SYNCRIP: variants seen among roughly 807,000 people sequenced by gnomAD.
The protein encoded by SYNCRIP is synaptotagmin binding cytoplasmic RNA interacting protein.
Under a neutral mutation model 68.9 loss-of-function variants are expected in SYNCRIP, and 9 were observed. The observed-to-expected ratio is 0.13, with a 90% confidence interval of 0.08 to 0.23. SYNCRIP has a LOEUF of 0.23. SYNCRIP is among the 10% of genes least tolerant of loss of function. SYNCRIP has a pLI of 1.00. For synonymous variants in SYNCRIP, 258 were observed against 254.0 expected, an observed-to-expected ratio of 1.02 and a Z score of -0.15; for missense variants, 414 against 770.6, an observed-to-expected ratio of 0.54 and a Z score of 5.48.
chr6:85,618,703 G>T, intron 10 of SYNCRIP, 115 bp downstream of exon 10: 6 of 848,350 alleles, frequency 7.1e-6, no homozygotes, highest in Non-Finnish European at 1.1e-5. Context: ...AAACGTTCAA[G>T]TCTTCTTTAA....
In SYNCRIP at chr6:85,621,800, G is replaced by A. The variant is rs374123741; in HGVS notation, c.1008+682C>T. On this transcript the variant is annotated intron_variant, in intron 8 of 10. Transcript: ENST00000369622. ...TCTGCTGCGGCCAGTATAATTTACT[G>A]TTTTTAGTAGTAAGACTTTTAACCC... Among the ~76,000 whole-genome samples, 36 of 152,188 alleles carry A rather than the reference G, an allele frequency of 2.4e-4. No homozygotes were observed. The South Asian group carries it at 7.5e-3, about 32-fold the overall frequency.
chr6:85,640,362 A>G, intron 3 of SYNCRIP, 34 bp from the exon 4 acceptor site: 1 of 1,598,928 alleles, frequency 6.3e-7, no homozygotes, highest in Non-Finnish European at 8.6e-7. Context: ...ATTTAACAAT[A>G]ACCATATCTG....
intron 4 of SYNCRIP, 150 bp downstream of exon 4, chr6:85,640,071 G>C (rs1808949966): frequency 1.6e-6 from 1 of 614,998 alleles, no homozygotes. Flanking sequence ...GAAACAAATA[G>C]TTTAAAAAAA....
intron 4 of SYNCRIP, 49 bp from the exon 5 acceptor site, chr6:85,637,405 C>G: frequency 8.4e-7 from 1 of 1,195,848 alleles, no homozygotes; most frequent in Non-Finnish European, 1.2e-6. Flanking sequence ...TAGACCACAC[C>G]CATATATTTA....
At chr6:85,624,976 C>T (rs1274444769) in intron 6 of SYNCRIP, among the ~76,000 whole-genome samples, 1 of 152,220 alleles carries the variant, frequency 6.6e-6, no homozygotes, top group East Asian at 1.9e-4. Flanking sequence ...TGGAGCTACA[C>T]AAACTAAAGA....
rs749818545 is a variant in SYNCRIP, at chr6:85,624,083, T to C, written c.696A>G (p.Lys232=). The C allele has an allele frequency of 1.2e-6, 2 of 1,613,654 alleles. No individual in the cohort carries two copies. Among genetic ancestry groups the C allele is most frequent in the East Asian group, 2.2e-5 (1 of 44,834 alleles). The change falls in exon 7 of 11, where the codon AAA becomes AAG. Residue 232 remains lysine (K), a synonymous_variant. Coordinates refer to ENST00000369622, the MANE Select transcript of SYNCRIP (RefSeq NM_006372.5). The stretch of plus-strand genomic sequence containing the variant: ...CAACTGAGATGCAGACACCAATATG[T>C]TTTCCAGAACGAATTTCATGATTAT... ...LYNNHEIRSG[K]HIGVCISVAN...
intron 6 of SYNCRIP, among the ~76,000 whole-genome samples, chr6:85,630,162 C>A (rs893404429): frequency 1.3e-5 from 2 of 151,888 alleles, no homozygotes; most frequent in African/African-American, 4.8e-5. Flanking sequence ...GAGATAGAGA[C>A]CATCCTGGCT....
intron 6 of SYNCRIP, among the ~76,000 whole-genome samples, chr6:85,626,310 G>A (rs982006114): frequency 4.6e-5 from 7 of 152,092 alleles, no homozygotes; most frequent in African/African-American, 1.7e-4. Flanking sequence ...GCCAGCCTTA[G>A]CAACAAATCA....
rs773660466 is a variant in SYNCRIP, at chr6:85,622,551, G to C, written c.939C>G (p.Val313=). Residue 313 remains valine, a synonymous_variant, in exon 8 of 11, where the codon GTC becomes GTG. Transcript: ENST00000369622. Reference sequence around the variant, plus strand: ...ATTCAACAGTTCCAACATTCCCCCAGACCTTGACTTTACCACTCATTAACC... The same window carrying C: ...ATTCAACAGTTCCAACATTCCCCCACACCTTGACTTTACCACTCATTAACC... ...RRRLMSGKVK[V]WGNVGTVEWA... is the part of the protein sequence containing the mutation. 3 of 1,613,942 alleles carry C rather than the reference G, an allele frequency of 1.9e-6. No homozygotes were observed. Among genetic ancestry groups the C allele is most frequent in the African/African-American group, 2.7e-5 (2 of 74,870 alleles).
intron 10 of SYNCRIP, among the ~76,000 whole-genome samples, chr6:85,615,747 C>T (rs1394171477): frequency 6.6e-6 from 1 of 152,150 alleles, no homozygotes; most frequent in East Asian, 1.9e-4. Context: ...GTGGCGGAGG[C>T]TGCAGTAAGC....
chr6:85,629,815 C>T (rs1414275629), intron 6 of SYNCRIP, among the ~76,000 whole-genome samples: 2 of 151,694 alleles, frequency 1.3e-5, no homozygotes, highest in Non-Finnish European at 2.9e-5. Flanking sequence ...AGGCGAGATT[C>T]ATATCAAAAC....
At chr6:85,618,388 A>C (rs978574535) in intron 10 of SYNCRIP, among the ~76,000 whole-genome samples, 15 of 151,850 alleles carry the variant, frequency 9.9e-5, no homozygotes, top group Admixed American at 3.9e-4. Flanking sequence ...TAAAAAAAAA[A>C]ACACAAAAAT....
upstream of SYNCRIP, among the ~76,000 whole-genome samples, chr6:85,643,564 A>G (rs1431365419): frequency 9.3e-6 from 1 of 107,692 alleles, no homozygotes; most frequent in Non-Finnish European, 1.9e-5. Flanking sequence ...AGCGTGTCCC[A>G]CTCGTTTTCC....
At chr6:85,631,982 C>A (rs1180114336) in intron 6 of SYNCRIP, among the ~76,000 whole-genome samples, 2 of 152,180 alleles carry the variant, frequency 1.3e-5, no homozygotes, top group African/African-American at 4.8e-5. Flanking sequence ...GCTTCCCTAG[C>A]TAGATTATCA....
chr6:85,631,951 C>T (rs1465324882), intron 6 of SYNCRIP, among the ~76,000 whole-genome samples: 1 of 152,164 alleles, frequency 6.6e-6, no homozygotes, highest in African/African-American at 2.4e-5. Context: ...TATTAATCAC[C>T]TTTTCACAAG....
At position 85,623,562 on chromosome 6, in the gene SYNCRIP, C is replaced by CCAAAAAAAAAAAAAAAA. The variant is rs572909849; in HGVS notation, c.802+414_802+415insTTTTTTTTTTTTTTTTG. On this transcript the variant is annotated intron_variant, in intron 7 of 10. Coordinates refer to ENST00000369622, the MANE Select transcript of SYNCRIP (RefSeq NM_006372.5). ...CTGGGCAACAAAGCAAGACTGTCTC[C>CCAAAAAAAAAAAAAAAA]AAAAAAAAAAAAAAAAAAAAACACT... Among the ~76,000 whole-genome samples the CCAAAAAAAAAAAAAAAA allele has an allele frequency of 9.3e-4, 59 of 63,256 alleles. 11 individuals are homozygous for CCAAAAAAAAAAAAAAAA. Among genetic ancestry groups the CCAAAAAAAAAAAAAAAA allele is most frequent in the Admixed American group, 3.8e-3 (19 of 5,052 alleles). The allele number at this position is 63,256 out of a possible 152,430, so 41.5% of individuals were successfully genotyped here.
intron 6 of SYNCRIP, among the ~76,000 whole-genome samples, chr6:85,625,240 G>T (rs886320212): frequency 6.6e-6 from 1 of 151,860 alleles, no homozygotes; most frequent in African/African-American, 2.4e-5. Flanking sequence ...CAAGTGTGTG[G>T]CCCTCCTGAT....
intron 10 of SYNCRIP, 49 bp downstream of exon 10, chr6:85,618,769 T>C: frequency 1.4e-6 from 2 of 1,463,684 alleles, no homozygotes; most frequent in Non-Finnish European, 1.9e-6. Context: ...CCAATTAGTG[T>C]ATAAATATTA....
At chr6:85,638,378 C>A (rs13206267) in intron 4 of SYNCRIP, among the ~76,000 whole-genome samples, 1 of 30,388 alleles carries the variant, frequency 3.3e-5, no homozygotes, top group East Asian at 1.2e-3. Context: ...AAGACCCCAT[C>A]TCAAAAAAAA....
Sources: allele counts gnomAD v4.1 joint callset (sites outside exome capture counted in the v4.1 genomes callset), GRCh38; gene constraint gnomAD v4.1.1; transcripts MANE v1.5; gene names NCBI Gene and HGNC (gene_info 2026-07-23, HGNC 2026-07-21).